The following DCBLD2 variants were observed in gnomAD, a reference collection of about 807,000 sequenced individuals.
The protein encoded by DCBLD2 is discoidin, CUB and LCCL domain containing 2.
A neutral mutation model predicts 86.8 loss-of-function variants in DCBLD2; 54 were observed. The observed-to-expected ratio is 0.62, with a 90% CI of 0.50 to 0.78. The LOEUF is 0.78. Ranked by LOEUF, DCBLD2 falls within the 30% of genes least tolerant of loss-of-function variation. DCBLD2 has a pLI of 0.00. For synonymous variants in DCBLD2, 354 were observed against 341.3 expected (o/e 1.04, Z -0.41); for missense variants, 908 against 954.2 (o/e 0.95, Z 0.64).
intron 3 of DCBLD2, among the ~76,000 whole-genome samples, chr3:98,826,066 T>C (rs1002767766): frequency 2.0e-5 from 3 of 152,146 alleles, no homozygotes; most frequent in Admixed American, 6.6e-5. Context: ...ACTTCTAAAA[T>C]TTAACATTTT....
At chr3:98,884,981 A>AT (rs1388396653) in intron 1 of DCBLD2, among the ~76,000 whole-genome samples, 27 of 152,308 alleles carry the variant, frequency 1.8e-4, no homozygotes, top group African/African-American at 5.5e-4. Flanking sequence ...GATTCTCAAT[A>AT]AATACACGAA....
chr3:98,811,062 A>AT (rs564224743), intron 12 of DCBLD2, 132 bp downstream of exon 12: 15,153 of 861,922 alleles, frequency 0.018, no homozygotes, highest in South Asian at 0.019. Context: ...AAGAAAATAA[A>AT]TTTTTTTTTT....
intron 2 of DCBLD2, among the ~76,000 whole-genome samples, chr3:98,878,717 G>A (rs920014058): frequency 6.6e-6 from 1 of 152,160 alleles, no homozygotes; most frequent in Non-Finnish European, 1.5e-5. Flanking sequence ...GGTGTGATGG[G>A]GGAAGGGTGG....
rs1401480057 is a variant in DCBLD2 at position 98,880,903 on chromosome 3, GTATTCT to G, written c.433+631_433+636del. On this transcript the variant is annotated intron_variant, in intron 2 of 15. Coordinates refer to ENST00000326840, the MANE Select transcript of DCBLD2 (RefSeq NM_080927.4). ...TGTCTCCTAAGCATTAATTATACTT[GTATTCT>G]TCAATTGCAAATAAAACTATGAAAG... Among the ~76,000 whole-genome samples the G allele has an allele frequency of 2.6e-5, 4 of 152,146 alleles. No individual in the cohort carries two copies. The East Asian group carries it at 7.7e-4, about 29-fold the overall frequency.
At chr3:98,870,091 T>C (rs1465683160) in intron 2 of DCBLD2, among the ~76,000 whole-genome samples, 3 of 151,976 alleles carry the variant, frequency 2.0e-5, no homozygotes, top group African/African-American at 7.3e-5. Context: ...GTTAAGTCTT[T>C]AATCCATCTT....
At chr3:98,850,856 A>T (rs1387015452) in intron 2 of DCBLD2, among the ~76,000 whole-genome samples, 18 of 152,234 alleles carry the variant, frequency 1.2e-4, no homozygotes, top group Non-Finnish European at 5.9e-5. Context: ...ATCTGAAATG[A>T]AATTTTTAAA....
At chr3:98,877,927 G>A (rs1943398717) in intron 2 of DCBLD2, among the ~76,000 whole-genome samples, 1 of 152,100 alleles carries the variant, frequency 6.6e-6, no homozygotes, top group Admixed American at 6.5e-5. Context: ...ACAGGAAAGG[G>A]TGATAAGTGA....
intron 2 of DCBLD2, among the ~76,000 whole-genome samples, chr3:98,850,572 A>C (rs1405119397): frequency 6.6e-6 from 1 of 152,268 alleles, no homozygotes; most frequent in African/African-American, 2.4e-5. Flanking sequence ...AAATAATAAA[A>C]ACTGATTTTC....
intron 3 of DCBLD2, among the ~76,000 whole-genome samples, chr3:98,848,787 G>T (rs1239416980): frequency 2.0e-5 from 3 of 152,076 alleles, no homozygotes; most frequent in Non-Finnish European, 2.9e-5. Context: ...TGGTAGTATG[G>T]TCTTTAACAC....
intron 14 of DCBLD2, 92 bp from the exon 15 acceptor site, chr3:98,800,808 C>T (rs376325832): frequency 3.2e-6 from 5 of 1,544,252 alleles, no homozygotes; most frequent in African/African-American, 2.8e-5. Context: ...GCATTTAAGC[C>T]ATTTCTATAA....
intron 8 of DCBLD2, among the ~76,000 whole-genome samples, chr3:98,818,665 C>T (rs1013515189): frequency 2.0e-5 from 3 of 152,176 alleles, no homozygotes; most frequent in African/African-American, 7.2e-5. Context: ...TGCATCAGCA[C>T]GGCCAGAATA....
chr3:98,852,994 G>T (rs184792338), intron 2 of DCBLD2, among the ~76,000 whole-genome samples: 2 of 152,280 alleles, frequency 1.3e-5, no homozygotes, highest in Non-Finnish European at 2.9e-5. Flanking sequence ...GCAATGCCTA[G>T]ACTTCAGATC....
At chr3:98,817,270 C>T (rs1051646507) in intron 9 of DCBLD2, among the ~76,000 whole-genome samples, 3 of 152,152 alleles carry the variant, frequency 2.0e-5, no homozygotes, top group African/African-American at 4.8e-5. Flanking sequence ...TAGAGCAATT[C>T]TTCATGTAAG....
chr3:98,849,383 A>G, intron 3 of DCBLD2, 78 bp downstream of exon 3: 3 of 1,559,294 alleles, frequency 1.9e-6, no homozygotes, highest in Non-Finnish European at 2.7e-6. Flanking sequence ...TTCAGAAAAC[A>G]GGTACTTAAA....
chr3:98,886,708 G>C (rs560824836), intron 1 of DCBLD2, among the ~76,000 whole-genome samples: 100 of 151,486 alleles, frequency 6.6e-4, no homozygotes, highest in African/African-American at 2.3e-3. Flanking sequence ...TTTATCTAGG[G>C]AATTACTCAT....
chr3:98,867,714 A>T (rs1033484074), intron 2 of DCBLD2, among the ~76,000 whole-genome samples: 5 of 152,322 alleles, frequency 3.3e-5, no homozygotes, highest in Non-Finnish European at 7.4e-5. Context: ...TTCAATTGTC[A>T]TCAGACTTCT....
chr3:98,822,493 T>C (rs1942140893), intron 5 of DCBLD2, 132 bp from the exon 6 acceptor site: 2 of 1,305,110 alleles, frequency 1.5e-6, no homozygotes, highest in Non-Finnish European at 2.1e-6. Context: ...AAATAGATTA[T>C]TGGTACTGTA....
intron 2 of DCBLD2, among the ~76,000 whole-genome samples, chr3:98,853,490 T>C (rs1942876727): frequency 6.6e-6 from 1 of 152,194 alleles, no homozygotes; most frequent in African/African-American, 2.4e-5. Context: ...GGCTATGCTG[T>C]TATTCTTCAT....
At chr3:98,859,511 C>T (rs1271658152) in intron 2 of DCBLD2, among the ~76,000 whole-genome samples, 9 of 152,168 alleles carry the variant, frequency 5.9e-5, no homozygotes, top group African/African-American at 1.7e-4. Context: ...TGGCCGGGTA[C>T]GCCTCTGAGA....
Sources: gnomAD v4.1 joint callset for allele counts (sites outside exome capture counted in the v4.1 genomes callset) on GRCh38, gnomAD v4.1.1 for gene constraint, MANE v1.5 for transcripts, NCBI Gene and HGNC (gene_info 2026-07-23, HGNC 2026-07-21) for gene names.